Variants in RICTOR observed in about 807,000 individuals in gnomAD.
RICTOR encodes rapamycin-insensitive companion of mTOR.
In RICTOR, 49 loss-of-function variants were observed where a neutral mutation model predicts 214.9. That is an observed-to-expected ratio of 0.23 (90% confidence interval 0.18 to 0.29). The LOEUF (loss-of-function observed/expected upper bound fraction) is 0.29, where lower values mean the gene tolerates loss of function less well. RICTOR is among the 10% of genes least tolerant of loss of function. RICTOR has a pLI of 1.00. For missense variants in RICTOR, 1,625 were observed against 2,047.0 expected (o/e 0.79, Z 3.98); for synonymous variants, 717 against 711.3 (o/e 1.01, Z -0.13).
intron 2 of RICTOR, among the ~76,000 whole-genome samples, chr5:39,031,240 G>A (rs143000991): frequency 1.2e-3 from 175 of 152,172 alleles, no homozygotes; most frequent in African/African-American, 4.1e-3. Context: ...GTTGATAACC[G>A]CCTTAAAGAG....
intron 2 of RICTOR, among the ~76,000 whole-genome samples, chr5:39,060,633 G>A (rs1758480203): frequency 6.6e-6 from 1 of 151,868 alleles, no homozygotes; most frequent in African/African-American, 2.4e-5. Context: ...GTTAATAGTT[G>A]GTATTTTCTC....
chr5:39,011,107 G>GTTT (rs1239130038), intron 3 of RICTOR, among the ~76,000 whole-genome samples: 1 of 152,158 alleles, frequency 6.6e-6, no homozygotes, highest in East Asian at 1.9e-4. Context: ...GGAAAAAGTG[G>GTTT]TTTCCTGGTC....
Position 38,938,991 on chromosome 5 carries a change from C to A in RICTOR, c.*3313G>T, listed in dbSNP as rs967351173. On this transcript the variant is annotated 3_prime_UTR_variant, in exon 38 of 38. Coordinates refer to ENST00000357387, the MANE Select transcript of RICTOR (RefSeq NM_152756.5). ...AAGCATAAGACTAAAGGAGAAAAAA[C>A]CTTACTTCCAAAGAACATTTCCCAA... is the stretch of plus-strand genomic sequence containing the variant. The A allele has an allele frequency of 4.3e-6, 1 of 232,842 alleles. No individual in the cohort carries two copies. The highest frequency in any genetic ancestry group is 2.2e-5 in the African/African-American group (1 of 45,290). The allele number at this position is 232,842 out of a possible 1,614,324, so 14.4% of individuals were successfully genotyped here.
At chr5:38,953,378 A>G in intron 28 of RICTOR, 83 bp downstream of exon 28, 1 of 585,332 alleles carries the variant, frequency 1.7e-6, no homozygotes, top group South Asian at 3.3e-5. Context: ...TCCAAAGAAA[A>G]TATTTATCTA....
chr5:38,997,018 C>G, intron 5 of RICTOR, 136 bp from the exon 6 acceptor site: 1 of 637,984 alleles, frequency 1.6e-6, no homozygotes, highest in Admixed American at 2.4e-5. Flanking sequence ...TTTCTCAGTA[C>G]CAGCATATAT....
At chr5:39,003,993 T>C (rs142414644) in intron 3 of RICTOR, among the ~76,000 whole-genome samples, 182 of 152,308 alleles carry the variant, frequency 1.2e-3, no homozygotes, top group Admixed American at 3.8e-3. Context: ...AATGCCAGAA[T>C]CTCACACTTT....
chr5:39,065,607 G>C (rs1758850815), intron 2 of RICTOR, among the ~76,000 whole-genome samples: 3 of 152,216 alleles, frequency 2.0e-5, no homozygotes, highest in South Asian at 2.1e-4. Flanking sequence ...TTATGAGGCT[G>C]TAAAGTCACA....
intron 26 of RICTOR, among the ~76,000 whole-genome samples, chr5:38,955,286 C>T (rs555710265): frequency 1.3e-5 from 2 of 151,978 alleles, no homozygotes; most frequent in East Asian, 3.9e-4. Context: ...CTGAAAAAAT[C>T]TGAAATGCGA....
chr5:39,073,023 C>G (rs1321868914), intron 2 of RICTOR, among the ~76,000 whole-genome samples: 2 of 152,172 alleles, frequency 1.3e-5, no homozygotes, highest in Non-Finnish European at 2.9e-5. Context: ...TCACTCTAGC[C>G]GTTGTCAACA....
chr5:39,061,551 T>A, intron 2 of RICTOR, among the ~76,000 whole-genome samples: 1 of 151,970 alleles, frequency 6.6e-6, no homozygotes, highest in Non-Finnish European at 1.5e-5. Flanking sequence ...AATTCATACA[T>A]ATTTAAGCAC....
chr5:39,007,935 C>A (rs1259832902), intron 3 of RICTOR, among the ~76,000 whole-genome samples: 2 of 150,708 alleles, frequency 1.3e-5, no homozygotes, highest in East Asian at 1.9e-4. Flanking sequence ...TGGAAAAATG[C>A]ACTAGGATCA....
chr5:38,960,554 G>A (rs1385051342), intron 19 of RICTOR, 21 bp from the exon 20 acceptor site: 2 of 1,606,546 alleles, frequency 1.2e-6, no homozygotes, highest in Non-Finnish European at 1.7e-6. Context: ...AACACAAGTA[G>A]CAAAAAGGTA....
At chr5:39,046,789 G>A (rs750832069) in intron 2 of RICTOR, among the ~76,000 whole-genome samples, 1 of 152,000 alleles carries the variant, frequency 6.6e-6, no homozygotes, top group Non-Finnish European at 1.5e-5. Context: ...AAAGCTTTGA[G>A]TTAAATGAAG....
At position 39,074,386 on chromosome 5, in the gene RICTOR, G is replaced by C; in HGVS notation, c.-9C>G. 6.5e-7 allele frequency: 1 copy of C among 1,537,112 alleles called. No individual in the cohort carries two copies. Among genetic ancestry groups the C allele is most frequent in the East Asian group, 2.5e-5 (1 of 39,238 alleles). ...CGGCCGATCGCCGCCATATTGACGGGTTTCAGTCACAACACCGGAAACCTC... is the reference window on the plus strand; with the variant it reads ...CGGCCGATCGCCGCCATATTGACGGCTTTCAGTCACAACACCGGAAACCTC... On this transcript the variant is annotated 5_prime_UTR_variant, in exon 1 of 38. Coordinates refer to ENST00000357387, the MANE Select transcript of RICTOR (RefSeq NM_152756.5).
chr5:38,968,723 A>C (rs967759807), intron 11 of RICTOR, among the ~76,000 whole-genome samples: 3 of 151,242 alleles, frequency 2.0e-5, no homozygotes, highest in Non-Finnish European at 4.4e-5. Flanking sequence ...GGGTGACAGC[A>C]AGACCCTGCC....
intron 31 of RICTOR, chr5:38,949,286 C>T: frequency 1.0e-6 from 1 of 966,786 alleles, no homozygotes; most frequent in East Asian, 2.7e-5. Flanking sequence ...AATAATTTCA[C>T]TGAAATTTTC....
At chr5:38,960,853 T>A (rs987723272) in intron 19 of RICTOR, among the ~76,000 whole-genome samples, 1 of 152,084 alleles carries the variant, frequency 6.6e-6, no homozygotes, top group Non-Finnish European at 1.5e-5. Context: ...CTGATGGTTT[T>A]ATCACCAGCT....
At chr5:38,997,339 A>C (rs1199779371) in intron 5 of RICTOR, among the ~76,000 whole-genome samples, 2 of 152,204 alleles carry the variant, frequency 1.3e-5, no homozygotes, top group Non-Finnish European at 2.9e-5. Flanking sequence ...CCAAAATATA[A>C]TTTGAATTCT....
chr5:39,007,243 A>G (rs1276772901), intron 3 of RICTOR, among the ~76,000 whole-genome samples: 1 of 152,202 alleles, frequency 6.6e-6, no homozygotes, highest in Non-Finnish European at 1.5e-5. Context: ...TCTGGAGGCC[A>G]GAAATCTAAG....
Sources: gnomAD v4.1 joint callset for allele counts (sites outside exome capture counted in the v4.1 genomes callset) on GRCh38, gnomAD v4.1.1 for gene constraint, MANE v1.5 for transcripts, NCBI Gene and HGNC (gene_info 2026-07-23, HGNC 2026-07-21) for gene names.